Variants in CSMD1 observed in about 807,000 individuals in gnomAD.
The protein encoded by CSMD1 is CUB and Sushi multiple domains 1.
CSMD1 carries 213 observed loss-of-function variants against 417.5 expected under a neutral mutation model. That is an observed-to-expected ratio of 0.51 (90% confidence interval 0.46 to 0.57). The LOEUF (loss-of-function observed/expected upper bound fraction) is 0.57. Among genes scored for constraint, CSMD1 ranks in the 20% least tolerant of loss-of-function variants. The probability of loss-of-function intolerance (pLI) is 0.00; values close to 1 mark genes in which losing one functional copy is unlikely to be tolerated. For synonymous variants in CSMD1, 2,862 were observed against 1,736.8 expected (o/e 1.65, Z -16.11); for missense variants, 6,923 against 4,529.7 (o/e 1.53, Z -15.17).
intron 37 of CSMD1, among the ~76,000 whole-genome samples, chr8:3,166,755 T>A (rs1294519000): frequency 6.6e-6 from 1 of 151,852 alleles, no homozygotes; most frequent in Non-Finnish European, 1.5e-5. Flanking sequence ...CATATACAAA[T>A]AAAAAGAATT....
intron 2 of CSMD1, among the ~76,000 whole-genome samples, chr8:4,555,229 G>A (rs1411130415): frequency 6.6e-6 from 1 of 152,218 alleles, no homozygotes; most frequent in Non-Finnish European, 1.5e-5. Context: ...CCAGCTTACG[G>A]GTTATTGCAG....
chr8:4,830,575 A>C (rs1800092149), intron 1 of CSMD1, among the ~76,000 whole-genome samples: 1 of 152,226 alleles, frequency 6.6e-6, no homozygotes, highest in South Asian at 2.1e-4. Context: ...AGCCATTACA[A>C]ATTAGATAGA....
intron 3 of CSMD1, among the ~76,000 whole-genome samples, chr8:4,315,307 A>AAG (rs1332367692): frequency 6.6e-6 from 1 of 152,126 alleles, no homozygotes; most frequent in Non-Finnish European, 1.5e-5. Flanking sequence ...CTTTTACCCT[A>AAG]AGGTCCACAG....
At chr8:3,669,409 T>G (rs1192556512) in intron 7 of CSMD1, among the ~76,000 whole-genome samples, 2 of 152,118 alleles carry the variant, frequency 1.3e-5, no homozygotes, top group Admixed American at 6.6e-5. Context: ...AGTCTAGGGG[T>G]TCGTGTTTAC....
At chr8:4,341,445 A>T (rs756453862) in intron 3 of CSMD1, among the ~76,000 whole-genome samples, 2 of 152,132 alleles carry the variant, frequency 1.3e-5, no homozygotes, top group South Asian at 4.1e-4. Context: ...AGTTTACCTC[A>T]TTGTGGTTAA....
chr8:3,735,173 C>G (rs1208867402), intron 6 of CSMD1, among the ~76,000 whole-genome samples: 1 of 152,208 alleles, frequency 6.6e-6, no homozygotes. Flanking sequence ...TCATATTTCC[C>G]TTGATCAGGC....
intron 52 of CSMD1, among the ~76,000 whole-genome samples, chr8:3,000,531 T>C (rs1807308409): frequency 1.3e-5 from 2 of 152,078 alleles, no homozygotes; most frequent in Non-Finnish European, 2.9e-5. Flanking sequence ...AGTAAGGAGA[T>C]CGGTGAGGGG....
At chr8:4,176,893 A>G (rs1407487967) in intron 3 of CSMD1, among the ~76,000 whole-genome samples, 1 of 149,048 alleles carries the variant, frequency 6.7e-6, no homozygotes, top group African/African-American at 2.5e-5. Context: ...TCCTAAATAT[A>G]TATGCACCCA....
intron 52 of CSMD1, among the ~76,000 whole-genome samples, chr8:3,010,961 C>T (rs555627044): frequency 1.3e-5 from 2 of 152,124 alleles, no homozygotes; most frequent in African/African-American, 4.8e-5. Flanking sequence ...CTCCTGACCT[C>T]GTGATCTGCC....
intron 26 of CSMD1, among the ~76,000 whole-genome samples, chr8:3,230,823 T>A (rs1798792122): frequency 6.6e-6 from 1 of 152,156 alleles, no homozygotes; most frequent in South Asian, 2.1e-4. Context: ...ATATATTATA[T>A]GGCCACCCTA....
intron 3 of CSMD1, among the ~76,000 whole-genome samples, chr8:4,170,806 T>C (rs1185370183): frequency 2.0e-5 from 3 of 151,908 alleles, no homozygotes; most frequent in Admixed American, 6.5e-5. Context: ...GGATTACCTA[T>C]GTATTCATCA....
chr8:4,094,009 G>GATAA (rs1800865843), intron 3 of CSMD1, among the ~76,000 whole-genome samples: 2 of 148,320 alleles, frequency 1.3e-5, no homozygotes, highest in Non-Finnish European at 3.0e-5. Flanking sequence ...TAGATAGATA[G>GATAA]ATAAAGAAAA....
intron 3 of CSMD1, among the ~76,000 whole-genome samples, chr8:4,284,556 C>G (rs1563388016): frequency 6.6e-6 from 1 of 152,110 alleles, no homozygotes; most frequent in Non-Finnish European, 1.5e-5. Context: ...TATGCCAGCC[C>G]CAACGTTTAT....
At chr8:4,521,858 C>G (rs893670163) in intron 2 of CSMD1, among the ~76,000 whole-genome samples, 1 of 152,166 alleles carries the variant, frequency 6.6e-6, no homozygotes, top group African/African-American at 2.4e-5. Flanking sequence ...AAACTCAGCG[C>G]TTTAGCTCCT....
chr8:4,510,390 T>TAAAAAAAAAA lies in CSMD1; in HGVS notation c.303-90335_303-90326dup, dbSNP rs34791623. ...GTAGACAATTAAAAAGCATAATGCCTAAAAAAAAAAAAAAAAAAAAAAAAA... is the reference window on the plus strand; with the variant it reads ...GTAGACAATTAAAAAGCATAATGCCTAAAAAAAAAAAAAAAAAAAAAAAAAAAAAAAAAAA... On this transcript the variant is annotated intron_variant, in intron 2 of 69. Transcript: ENST00000635120. Among the ~76,000 whole-genome samples, 200 of 54,616 alleles carry TAAAAAAAAAA rather than the reference T, an allele frequency of 3.7e-3. 13 individuals carry two copies. Among genetic ancestry groups the TAAAAAAAAAA allele is most frequent in the Non-Finnish European group, 4.1e-3 (125 of 30,646 alleles). The allele number at this position is 54,616 out of a possible 152,430, so 35.8% of individuals were successfully genotyped here.
chr8:4,006,823 A>ATTTT lies in CSMD1; in HGVS notation c.611-8717_611-8714dup, dbSNP rs759780050. ...GCTGAGAGAATCCAGGACTTTTCCT[A>ATTTT]TTTTTTTTTTTTTTTTTTTTTTGAG... is the stretch of plus-strand genomic sequence containing the variant. On this transcript the variant is annotated intron_variant, in intron 4 of 69. Coordinates refer to ENST00000635120, the MANE Select transcript of CSMD1 (RefSeq NM_033225.6). Among the ~76,000 whole-genome samples the ATTTT allele has an allele frequency of 6.4e-3, 617 of 95,920 alleles. 18 individuals are homozygous for ATTTT. Among genetic ancestry groups the ATTTT allele is most frequent in the African/African-American group, 8.4e-3 (202 of 24,098 alleles). The allele number at this position is 95,920 out of a possible 152,430, so 62.9% of individuals were successfully genotyped here.
chr8:4,210,102 C>G (rs905992960), intron 3 of CSMD1, among the ~76,000 whole-genome samples: 1 of 152,174 alleles, frequency 6.6e-6, no homozygotes, highest in Non-Finnish European at 1.5e-5. Flanking sequence ...ACCAGGAGAG[C>G]TCCTGATCAT....
chr8:3,787,547 T>C (rs192528925), intron 5 of CSMD1, among the ~76,000 whole-genome samples: 12 of 152,288 alleles, frequency 7.9e-5, no homozygotes, highest in African/African-American at 2.9e-4. Flanking sequence ...TATCCATGAA[T>C]AGGTAAGAAG....
At chr8:3,184,787 C>A (rs527844857) in intron 36 of CSMD1, among the ~76,000 whole-genome samples, 1 of 152,316 alleles carries the variant, frequency 6.6e-6, no homozygotes, top group South Asian at 2.1e-4. Flanking sequence ...TAGTCTCAGA[C>A]TTTTGAGTCC....
Sources: allele counts gnomAD v4.1 joint callset (sites outside exome capture counted in the v4.1 genomes callset), GRCh38; gene constraint gnomAD v4.1.1; transcripts MANE v1.5; gene names NCBI Gene and HGNC (gene_info 2026-07-23, HGNC 2026-07-21).